Variants in SLC26A4 observed in about 807,000 individuals in gnomAD.
SLC26A4 encodes the protein pendrin.
In SLC26A4, 93 loss-of-function variants were observed where a neutral mutation model predicts 90.4. The observed-to-expected ratio is 1.03, with a 90% CI of 0.87 to 1.22. The LOEUF (loss-of-function observed/expected upper bound fraction) is 1.22. Among genes scored for constraint, SLC26A4 ranks in the 50% most tolerant of loss-of-function variants. The pLI is 0.00. For synonymous variants in SLC26A4, 393 were observed against 354.6 expected (o/e 1.11, Z -1.22); for missense variants, 1,127 against 946.2 (o/e 1.19, Z -2.51).
At position 107,717,082 on chromosome 7, in the gene SLC26A4, G is replaced by C. The variant is rs1248788232; in HGVS notation, c.*1636G>C. On this transcript the variant is annotated 3_prime_UTR_variant, in exon 21 of 21. Transcript: ENST00000644269. ...TCGCTAAAGAGTGAATGTAGGCCAG[G>C]CGCGGTGGCTCATGCCTGTAATCCC... The C allele has an allele frequency of 1.3e-5, 2 of 152,184 alleles. No individual in the cohort carries two copies. Among genetic ancestry groups the C allele is most frequent in the Non-Finnish European group, 2.9e-5 (2 of 68,076 alleles). 9.4% of individuals were successfully genotyped at this position (152,184 alleles called of 1,614,324 possible).
At chr7:107,666,220 C>T (rs1320439481) in intron 3 of SLC26A4, among the ~76,000 whole-genome samples, 1 of 152,008 alleles carries the variant, frequency 6.6e-6, no homozygotes, top group Admixed American at 6.6e-5. Flanking sequence ...AAAGGTGGAT[C>T]TTTATTTTTA....
intron 6 of SLC26A4, among the ~76,000 whole-genome samples, chr7:107,680,385 ATTATTATATAATCTTATC>A (rs1167825461): frequency 2.8e-5 from 4 of 143,084 alleles, no homozygotes; most frequent in African/African-American, 1.0e-4. Flanking sequence ...ATAATGTTAT[ATTATTATATAATCTTATC>A]TTATTATATA....
chr7:107,684,654 T>A (rs1217325765), intron 8 of SLC26A4, among the ~76,000 whole-genome samples: 1 of 152,190 alleles, frequency 6.6e-6, no homozygotes, highest in Non-Finnish European at 1.5e-5. Context: ...AGATTCCTGG[T>A]TCCCACCCCA....
Position 107,701,111 on chromosome 7 carries a change from A to G in SLC26A4, c.1718A>G (p.Asp573Gly). The part of the protein sequence containing the change: ...KKCIKSTVGF[D>G]AIRVYNKRLK... ...CATTTATTTCCAAAGGTTGGATTTG[A>G]TGCCATTAGAGTATATAATAAGAGG... The change falls in exon 16 of 21, where the codon GAT becomes GGT. Residue 573 changes from aspartate (D) to glycine (G), a missense_variant. Transcript: ENST00000644269. 6.2e-7 allele frequency: 1 copy of G among 1,601,756 alleles called. No individual in the cohort carries two copies.
chr7:107,716,229 T>G lies in SLC26A4; in HGVS notation c.*783T>G, dbSNP rs1792341638. On this transcript the variant is annotated 3_prime_UTR_variant, in exon 21 of 21. Coordinates refer to ENST00000644269, the MANE Select transcript of SLC26A4 (RefSeq NM_000441.2). ...TTTAAAAATGCAGTTTTAATTATCTTAGTCTATAGAAATGATCATTGCATG... is the reference window on the plus strand; with the variant it reads ...TTTAAAAATGCAGTTTTAATTATCTGAGTCTATAGAAATGATCATTGCATG... 1 of 152,242 alleles carries G rather than the reference T, an allele frequency of 6.6e-6. No homozygotes were observed. The highest frequency in any genetic ancestry group is 1.5e-5 in the Non-Finnish European group (1 of 68,050). The allele number at this position is 152,242 out of a possible 1,614,324, so 9.4% of individuals were successfully genotyped here. A position where few individuals can be genotyped will look rare whatever the true frequency, so the allele number is the denominator to read the frequency against.
At chr7:107,714,152 C>G (rs931151243) in intron 20 of SLC26A4, among the ~76,000 whole-genome samples, 4 of 151,922 alleles carry the variant, frequency 2.6e-5, no homozygotes, top group African/African-American at 9.7e-5. Flanking sequence ...TCTTGAACTC[C>G]TGACCTCAAG....
rs189568433 is a variant in SLC26A4, at chr7:107,673,961, G to C, written c.416-203G>C. On this transcript the variant is annotated intron_variant, in intron 4 of 20. Transcript: ENST00000644269. ...GCTTAGGCTGGTCTGGAACTCCTGG[G>C]CTCAAGCGATCTTCCCACCTCAGTC... 2.2e-3 allele frequency among the ~76,000 whole-genome samples: 340 copies of C among 152,182 alleles called. 3 individuals are homozygous for C. The South Asian group carries it at 0.023, about 10-fold the overall frequency.
At position 107,689,061 on chromosome 7, in the gene SLC26A4, C is replaced by T; in HGVS notation, c.1010C>T (p.Pro337Leu). Reference sequence around the variant, plus strand: ...ACTTAAAAACTCACTAGGTTTTTGCCTCCTGAACTTCCACCTGTGAGCTTG... The same window carrying T: ...ACTTAAAAACTCACTAGGTTTTTGCTTCCTGAACTTCCACCTGTGAGCTTG... ...IVKSIPRGFL[P>L]PELPPVSLFS... The change falls in exon 9 of 21, where the codon CCT becomes CTT. Residue 337 changes from proline to leucine, a missense_variant. Physicochemically the swap from Pro to Leu is moderately conservative, Grantham distance 98. Transcript: ENST00000644269. 6.2e-7 allele frequency: 1 copy of T among 1,613,838 alleles called. No homozygotes were observed. Among genetic ancestry groups the T allele is most frequent in the Non-Finnish European group, 8.5e-7 (1 of 1,179,802 alleles).
chr7:107,680,755 ATG>A (rs988884342), intron 6 of SLC26A4, among the ~76,000 whole-genome samples: 3 of 152,076 alleles, frequency 2.0e-5, no homozygotes, highest in African/African-American at 7.2e-5. Flanking sequence ...ATTGATTCTC[ATG>A]GATTAAACTG....
chr7:107,669,619 A>G (rs1179041902), intron 3 of SLC26A4, among the ~76,000 whole-genome samples: 1 of 152,208 alleles, frequency 6.6e-6, no homozygotes, highest in Admixed American at 6.5e-5. Context: ...GTACTAATAG[A>G]TATATTTTTC....
At chr7:107,715,001 G>T (rs1020195291) in intron 20 of SLC26A4, among the ~76,000 whole-genome samples, 2 of 150,390 alleles carry the variant, frequency 1.3e-5, no homozygotes, top group East Asian at 4.0e-4. Context: ...GAGGCAGGGG[G>T]ATCACTTGAG....
intron 8 of SLC26A4, among the ~76,000 whole-genome samples, chr7:107,687,605 C>T (rs1791454634): frequency 6.6e-6 from 1 of 152,102 alleles, no homozygotes; most frequent in South Asian, 2.1e-4. Context: ...TGATTCTGGT[C>T]CTTTGACTTA....
intron 6 of SLC26A4, among the ~76,000 whole-genome samples, chr7:107,681,373 C>T (rs750395370): frequency 5.9e-5 from 9 of 152,004 alleles, no homozygotes; most frequent in Non-Finnish European, 8.8e-5. Flanking sequence ...AAAGTGACTC[C>T]TAGATTACTT....
chr7:107,661,800 C>G lies in SLC26A4; in HGVS notation c.159C>G (p.Cys53Trp), dbSNP rs894788058. ...RKTLRESLAKCCSCSRKRAFG... is the reference protein window; with the variant it reads ...RKTLRESLAKWCSCSRKRAFG... ...CGCTGCGGGAGAGCCTGGCCAAGTG[C>G]TGCAGGTAGCGGCCGCGCGGGCCTG... The change falls in exon 2 of 21, where the codon TGC becomes TGG. Residue 53 changes from cysteine to tryptophan, a missense_variant. Physicochemically the swap from Cys to Trp is radical, Grantham distance 215 (BLOSUM62 -2). Transcript: ENST00000644269. This position sits in a 1 kb window ranked among gnomAD's most constrained non-coding sequence, Gnocchi z 5.1. The G allele has an allele frequency of 1.3e-6, 2 of 1,536,438 alleles. No homozygotes were observed. The highest frequency in any genetic ancestry group is 2.7e-5 in the African/African-American group (2 of 72,996).
intron 8 of SLC26A4, among the ~76,000 whole-genome samples, chr7:107,684,426 C>G (rs541780373): frequency 6.6e-6 from 1 of 152,120 alleles, no homozygotes; most frequent in Non-Finnish European, 1.5e-5. Context: ...TTTCCATGCT[C>G]TTAATAGAAA....
chr7:107,682,380 TA>T (rs1051673873), intron 6 of SLC26A4, among the ~76,000 whole-genome samples: 1 of 151,620 alleles, frequency 6.6e-6, no homozygotes, highest in African/African-American at 2.4e-5. Context: ...CTTTAGGAAT[TA>T]AAAAAAAGAT....
At chr7:107,707,417 A>G (rs7777227) in intron 18 of SLC26A4, among the ~76,000 whole-genome samples, 2 of 152,184 alleles carry the variant, frequency 1.3e-5, no homozygotes, top group Non-Finnish European at 2.9e-5. Flanking sequence ...TTCTTCCCAT[A>G]TAACTCTTTG....
At chr7:107,700,647 A>AAAT (rs1249236990) in intron 15 of SLC26A4, among the ~76,000 whole-genome samples, 1 of 152,224 alleles carries the variant, frequency 6.6e-6, no homozygotes, top group Non-Finnish European at 1.5e-5. Flanking sequence ...CTAGTGGAAT[A>AAAT]AATAAGTAGA....
chr7:107,665,714 A>C (rs896788489), intron 3 of SLC26A4, among the ~76,000 whole-genome samples: 4 of 152,200 alleles, frequency 2.6e-5, no homozygotes, highest in Non-Finnish European at 5.9e-5. Flanking sequence ...GCTAAGTAAG[A>C]ATGTTGCCAG....
Sources: gnomAD v4.1 joint callset for allele counts (sites outside exome capture counted in the v4.1 genomes callset) on GRCh38, gnomAD v4.1.1 for gene constraint, Gnocchi (gnomAD v3.1) non-coding constraint, MANE v1.5 for transcripts, NCBI Gene and HGNC (gene_info 2026-07-23, HGNC 2026-07-21) for gene names.